Variants in SPATA16 observed in about 807,000 individuals in gnomAD.
The protein encoded by SPATA16 is spermatogenesis associated 16.
In SPATA16, 36 loss-of-function variants were observed where a neutral mutation model predicts 63.3. The observed-to-expected ratio is 0.57, with a 90% CI of 0.44 to 0.75. The LOEUF (loss-of-function observed/expected upper bound fraction) is 0.75, where lower values mean the gene tolerates loss of function less well. Among genes scored for constraint, SPATA16 ranks in the 30% least tolerant of loss-of-function variants. The probability of loss-of-function intolerance (pLI) is 0.00; values close to 1 mark genes in which losing one functional copy is unlikely to be tolerated. For missense variants in SPATA16, 646 were observed against 679.3 expected, an observed-to-expected ratio of 0.95 and a Z score of 0.54; for synonymous variants, 203 against 216.7, an observed-to-expected ratio of 0.94 and a Z score of 0.56.
chr3:173,134,056 G>A lies in SPATA16; in HGVS notation c.-19+7047C>T, dbSNP rs373671788. Reference sequence around the variant, plus strand: ...AAGAACAAAGCTGACAGACTTGGCCGGATATTGAGAATTACTATAAATAAA... The same window carrying A: ...AAGAACAAAGCTGACAGACTTGGCCAGATATTGAGAATTACTATAAATAAA... On this transcript the variant is annotated intron_variant, in intron 1 of 10. Coordinates refer to ENST00000351008, the MANE Select transcript of SPATA16 (RefSeq NM_031955.6). 3.1e-4 allele frequency among the ~76,000 whole-genome samples: 47 copies of A among 152,218 alleles called. 1 individual carries two copies. The highest frequency in any genetic ancestry group is 1.3e-3 in the Admixed American group (20 of 15,286).
chr3:172,890,754 T>C (rs1356876577), intron 10 of SPATA16, among the ~76,000 whole-genome samples: 1 of 151,802 alleles, frequency 6.6e-6, no homozygotes, highest in Non-Finnish European at 1.5e-5. Context: ...CACTGTTTTT[T>C]TTTTTTTAAG....
intron 3 of SPATA16, among the ~76,000 whole-genome samples, chr3:173,025,264 T>A (rs1735426776): frequency 6.6e-6 from 1 of 151,812 alleles, no homozygotes; most frequent in Non-Finnish European, 1.5e-5. Context: ...TTTTAATGAT[T>A]TAAATAAAAC....
intron 6 of SPATA16, among the ~76,000 whole-genome samples, chr3:172,948,592 G>A (rs1395597126): frequency 4.6e-5 from 7 of 152,058 alleles, no homozygotes; most frequent in Non-Finnish European, 4.4e-5. Flanking sequence ...TCAGCCACCC[G>A]AGTAGCTGGG....
At chr3:173,072,241 G>C (rs533975966) in intron 2 of SPATA16, among the ~76,000 whole-genome samples, 1 of 152,292 alleles carries the variant, frequency 6.6e-6, no homozygotes, top group South Asian at 2.1e-4. Context: ...TCATAAAAAA[G>C]AACAAAATCA....
At chr3:173,096,725 G>T (rs1259911738) in intron 2 of SPATA16, among the ~76,000 whole-genome samples, 1 of 152,070 alleles carries the variant, frequency 6.6e-6, no homozygotes, top group Non-Finnish European at 1.5e-5. Context: ...TTTAGGTAAT[G>T]TATCCAGCAG....
chr3:172,949,446 G>A (rs553260419), intron 6 of SPATA16, among the ~76,000 whole-genome samples: 11 of 152,220 alleles, frequency 7.2e-5, no homozygotes, highest in Admixed American at 2.0e-4. Context: ...TTGTAATTCT[G>A]TGCAACATTG....
At chr3:172,965,640 A>ATT (rs532407449) in intron 5 of SPATA16, among the ~76,000 whole-genome samples, 1 of 149,260 alleles carries the variant, frequency 6.7e-6, no homozygotes, top group Non-Finnish European at 1.5e-5. Flanking sequence ...ATTATTTATT[A>ATT]TTTTTTTTTT....
chr3:172,893,493 T>C (rs1731936304), intron 10 of SPATA16, among the ~76,000 whole-genome samples: 2 of 152,220 alleles, frequency 1.3e-5, no homozygotes, highest in Admixed American at 6.5e-5. Flanking sequence ...TTCAGGCTTT[T>C]ACGCTCCAGA....
At chr3:172,938,029 T>C (rs994619540) in intron 6 of SPATA16, among the ~76,000 whole-genome samples, 1 of 152,178 alleles carries the variant, frequency 6.6e-6, no homozygotes, top group Non-Finnish European at 1.5e-5. Context: ...GCAGCTGATA[T>C]GTTTCATATG....
At chr3:173,034,426 A>C (rs1248622306) in intron 3 of SPATA16, among the ~76,000 whole-genome samples, 1 of 152,126 alleles carries the variant, frequency 6.6e-6, no homozygotes, top group Non-Finnish European at 1.5e-5. Context: ...AGAAAAATCA[A>C]AACAATTTGT....
Position 173,117,406 on chromosome 3 carries a change from G to A in SPATA16, c.326C>T (p.Thr109Ile), listed in dbSNP as rs1458568018. 7.4e-6 allele frequency: 12 copies of A among 1,614,026 alleles called. No individual in the cohort carries two copies. The highest frequency in any genetic ancestry group is 8.5e-6 in the Non-Finnish European group (10 of 1,180,014). ...TAAGGGGATGTGAGGCAGAGGCATG[G>A]TGATTAACTGATTGTCAAGTTCTGT... ...KITELDNQLI[T>I]MPLPHIPLKN... is the part of the protein sequence containing the mutation. Residue 109 changes from threonine (T) to isoleucine (I), a missense_variant, in exon 2 of 11, where the codon ACC (threonine) becomes ATC (isoleucine). Coordinates refer to ENST00000351008, the MANE Select transcript of SPATA16 (RefSeq NM_031955.6).
At chr3:173,119,130 G>C (rs969173634) in intron 1 of SPATA16, among the ~76,000 whole-genome samples, 1 of 151,982 alleles carries the variant, frequency 6.6e-6, no homozygotes, top group Non-Finnish European at 1.5e-5. Flanking sequence ...ATAGGGAGGG[G>C]AACATCACCT....
At chr3:173,098,383 T>A (rs1577173348) in intron 2 of SPATA16, among the ~76,000 whole-genome samples, 1 of 152,204 alleles carries the variant, frequency 6.6e-6, no homozygotes, top group East Asian at 1.9e-4. Flanking sequence ...TAGACCCTAA[T>A]CTGGACAATG....
chr3:172,913,513 A>G, intron 10 of SPATA16, 148 bp downstream of exon 10: 3 of 710,464 alleles, frequency 4.2e-6, no homozygotes, highest in Admixed American at 4.7e-5. Context: ...TCACACTTCC[A>G]GGGAGAGAGC....
At chr3:173,036,855 T>C (rs928877973) in intron 3 of SPATA16, among the ~76,000 whole-genome samples, 1 of 152,118 alleles carries the variant, frequency 6.6e-6, no homozygotes, top group East Asian at 1.9e-4. Context: ...TTTAAAAATA[T>C]TGCATGGTTA....
chr3:173,008,150 T>C (rs1440882778), intron 4 of SPATA16, among the ~76,000 whole-genome samples: 1 of 152,176 alleles, frequency 6.6e-6, no homozygotes, highest in African/African-American at 2.4e-5. Context: ...GAAGACAGGC[T>C]TTGATCCAGG....
intron 2 of SPATA16, among the ~76,000 whole-genome samples, chr3:173,073,403 A>G (rs996247200): frequency 2.6e-5 from 4 of 152,216 alleles, no homozygotes; most frequent in African/African-American, 9.6e-5. Context: ...AAGGCCTAGG[A>G]GGAAAAATGG....
intron 3 of SPATA16, among the ~76,000 whole-genome samples, chr3:173,033,164 GA>G (rs967328702): frequency 6.6e-6 from 1 of 152,006 alleles, no homozygotes; most frequent in African/African-American, 2.4e-5. Flanking sequence ...CAATTCCCAA[GA>G]AAAAATATAT....
chr3:173,006,208 A>C (rs1335579609), intron 4 of SPATA16, among the ~76,000 whole-genome samples: 1 of 152,198 alleles, frequency 6.6e-6, no homozygotes, highest in African/African-American at 2.4e-5. Flanking sequence ...ATACAGCTTT[A>C]TGATATTTAG....
Sources: gnomAD v4.1 joint callset for allele counts (sites outside exome capture counted in the v4.1 genomes callset) on GRCh38, gnomAD v4.1.1 for gene constraint, MANE v1.5 for transcripts, NCBI Gene and HGNC (gene_info 2026-07-23, HGNC 2026-07-21) for gene names.